The following SEMA3D variants were observed in gnomAD, a reference collection of about 807,000 sequenced individuals.
The protein encoded by SEMA3D is semaphorin-3D.
In SEMA3D, 84 loss-of-function variants were observed where a neutral mutation model predicts 100.1. The observed-to-expected ratio is 0.84, with a 90% confidence interval of 0.70 to 1.01. SEMA3D has a LOEUF of 1.01. Ranked by LOEUF, SEMA3D falls within the 50% of genes least tolerant of loss-of-function variation. The pLI, the probability that SEMA3D is intolerant of heterozygous loss-of-function variation, is 0.00. For synonymous variants in SEMA3D, 312 were observed against 320.7 expected (o/e 0.97, Z 0.29); for missense variants, 875 against 934.1 (o/e 0.94, Z 0.82).
At chr7:85,031,943 T>A (rs747022728) in intron 12 of SEMA3D, among the ~76,000 whole-genome samples, 16 of 151,922 alleles carry the variant, frequency 1.1e-4, no homozygotes, top group Admixed American at 5.3e-4. Flanking sequence ...CAGCTAATTT[T>A]AGGTGGGACA....
chr7:85,101,475 G>A (rs1055262839), intron 3 of SEMA3D, among the ~76,000 whole-genome samples: 3 of 151,920 alleles, frequency 2.0e-5, no homozygotes, highest in African/African-American at 7.2e-5. Context: ...CAACTCACTG[G>A]CTATGCAATC....
the SEMA3D span, among the ~76,000 whole-genome samples, chr7:85,228,410 A>G: frequency 6.6e-6 from 1 of 152,134 alleles, no homozygotes; most frequent in African/African-American, 2.4e-5. Context: ...GCGGTATGGT[A>G]TGTTTATTAA....
At chr7:85,170,916 T>C (rs938385427) in intron 1 of SEMA3D, among the ~76,000 whole-genome samples, 2 of 152,026 alleles carry the variant, frequency 1.3e-5, no homozygotes, top group African/African-American at 4.8e-5. Flanking sequence ...ATAACAATGG[T>C]GTCAGGCACC....
intron 5 of SEMA3D, among the ~76,000 whole-genome samples, chr7:85,078,250 C>G (rs996389230): frequency 6.7e-6 from 1 of 149,236 alleles, no homozygotes; most frequent in Non-Finnish European, 1.5e-5. Flanking sequence ...AATGAACATT[C>G]TATTTTAGTT....
chr7:85,017,858 A>G (rs915162011), intron 15 of SEMA3D, among the ~76,000 whole-genome samples: 54 of 151,700 alleles, frequency 3.6e-4, no homozygotes, highest in African/African-American at 1.2e-3. Flanking sequence ...ATTATGTGAT[A>G]TGTGGAAGGT....
At chr7:85,190,113 C>T (rs377597758), upstream of SEMA3D, among the ~76,000 whole-genome samples, 5 of 152,068 alleles carry the variant, frequency 3.3e-5, no homozygotes, top group Non-Finnish European at 7.4e-5. Flanking sequence ...GTCCTCTCAG[C>T]AGAAGATACT....
chr7:85,222,171 T>C, the SEMA3D span, among the ~76,000 whole-genome samples: 532 of 152,258 alleles, frequency 3.5e-3, 23 homozygotes, highest in East Asian at 0.084. Flanking sequence ...TACCATTTAC[T>C]AACCCTGAGA....
the SEMA3D span, among the ~76,000 whole-genome samples, chr7:85,216,705 G>C: frequency 6.6e-6 from 1 of 151,482 alleles, no homozygotes; most frequent in South Asian, 2.1e-4. Flanking sequence ...AAAAATGCAA[G>C]AAAAAAATGG....
At chr7:85,058,747 C>CA (rs67267318) in intron 8 of SEMA3D, among the ~76,000 whole-genome samples, 944 of 64,224 alleles carry the variant, frequency 0.015, 9 homozygotes, top group Middle Eastern at 0.033. Context: ...GACTCCACTA[C>CA]AAAAAAAAAA....
At chr7:85,032,792 G>C (rs1790582299) in intron 12 of SEMA3D, among the ~76,000 whole-genome samples, 1 of 151,906 alleles carries the variant, frequency 6.6e-6, no homozygotes, top group Non-Finnish European at 1.5e-5. Context: ...AATTTTGACA[G>C]TAACTGGCAT....
intron 11 of SEMA3D, among the ~76,000 whole-genome samples, chr7:85,039,307 C>T (rs1790788620): frequency 6.6e-6 from 1 of 152,082 alleles, no homozygotes; most frequent in Non-Finnish European, 1.5e-5. Context: ...GCTCTTGTTG[C>T]CGGGGCTGGA....
chr7:85,129,290 A>G (rs958618976), intron 2 of SEMA3D, among the ~76,000 whole-genome samples: 3 of 152,086 alleles, frequency 2.0e-5, no homozygotes, highest in Non-Finnish European at 4.4e-5. Context: ...AGAGCACAAC[A>G]CCTACATAGG....
chr7:85,208,061 A>G, the SEMA3D span, among the ~76,000 whole-genome samples: 2 of 152,034 alleles, frequency 1.3e-5, no homozygotes, highest in South Asian at 2.1e-4. Flanking sequence ...CTCACATTCA[A>G]TTTTAAAACT....
chr7:85,225,081 T>A, the SEMA3D span, among the ~76,000 whole-genome samples: 5 of 15,772 alleles, frequency 3.2e-4, no homozygotes, highest in South Asian at 1.2e-3. Flanking sequence ...TATATATATA[T>A]ATATATATAT....
intron 3 of SEMA3D, among the ~76,000 whole-genome samples, chr7:85,120,885 C>T (rs970781897): frequency 2.6e-5 from 4 of 151,708 alleles, no homozygotes; most frequent in African/African-American, 9.7e-5. Context: ...GTACAAATAC[C>T]AACATATAAA....
chr7:85,144,171 T>A (rs1469806368), intron 2 of SEMA3D, among the ~76,000 whole-genome samples: 1 of 152,108 alleles, frequency 6.6e-6, no homozygotes, highest in Non-Finnish European at 1.5e-5. Flanking sequence ...GTCTTCAGAT[T>A]CAGGTGTGCA....
the SEMA3D span, among the ~76,000 whole-genome samples, chr7:85,203,285 C>T: frequency 0.68 from 103,196 of 152,078 alleles, 35,996 homozygotes; most frequent in East Asian, 0.92. Context: ...TATATTCTTA[C>T]AACATGTTAT....
chr7:85,074,816 C>T (rs1583897523), intron 5 of SEMA3D, among the ~76,000 whole-genome samples: 3 of 151,850 alleles, frequency 2.0e-5, no homozygotes, highest in Admixed American at 1.3e-4. Flanking sequence ...GACAGGGTCT[C>T]GCTTTGTTAC....
chr7:85,023,541 T>A (rs544586272), intron 12 of SEMA3D, among the ~76,000 whole-genome samples: 2 of 151,986 alleles, frequency 1.3e-5, no homozygotes, highest in South Asian at 4.1e-4. Flanking sequence ...GATGCAGTCA[T>A]AGAGAATAAA....
Sources: gnomAD v4.1 joint callset for allele counts (sites outside exome capture counted in the v4.1 genomes callset) on GRCh38, gnomAD v4.1.1 for gene constraint, MANE v1.5 for transcripts, NCBI Gene and HGNC (gene_info 2026-07-23, HGNC 2026-07-21) for gene names.